Variants in CNTNAP5 observed in about 807,000 individuals in gnomAD.
CNTNAP5 encodes the protein contactin associated protein family member 5.
A neutral mutation model predicts 150.2 loss-of-function variants in CNTNAP5; 72 were observed. The ratio of observed to expected loss-of-function variants is 0.48; its 90% CI spans 0.40 to 0.58. The LOEUF (loss-of-function observed/expected upper bound fraction) is 0.58, where lower values mean the gene tolerates loss of function less well. Ranked by LOEUF, CNTNAP5 falls within the 20% of genes least tolerant of loss-of-function variation. The probability of loss-of-function intolerance (pLI) is 0.00; values close to 1 mark genes in which losing one functional copy is unlikely to be tolerated. For missense variants in CNTNAP5, 1,636 were observed against 1,626.2 expected (o/e 1.01, Z -0.10); for synonymous variants, 672 against 619.8 (o/e 1.08, Z -1.25).
intron 17 of CNTNAP5, among the ~76,000 whole-genome samples, chr2:124,776,406 C>A (rs1356375774): frequency 6.6e-6 from 1 of 152,054 alleles, no homozygotes; most frequent in African/African-American, 2.4e-5. Context: ...TGGAGAGATC[C>A]CCCAAAATTG....
At chr2:124,712,102 A>T (rs1470010389) in intron 13 of CNTNAP5, among the ~76,000 whole-genome samples, 1 of 152,130 alleles carries the variant, frequency 6.6e-6, no homozygotes, top group Non-Finnish European at 1.5e-5. Flanking sequence ...GTCTAAAACA[A>T]TCACTGCAAG....
chr2:124,514,048 C>T (rs1443959875), intron 8 of CNTNAP5, among the ~76,000 whole-genome samples: 1 of 152,112 alleles, frequency 6.6e-6, no homozygotes. Context: ...ATCCCATTAG[C>T]AAGGGCAAAA....
In CNTNAP5 at chr2:124,581,432, C is replaced by G. The variant is rs146568809; in HGVS notation, c.1756+18109C>G. ...GAATAAAAGTGAGTGCATAGATTCC[C>G]TTATGTGATTCTTCTACTAAGAAAT... On this transcript the variant is annotated intron_variant, in intron 11 of 23. Coordinates refer to ENST00000682447, the MANE Select transcript of CNTNAP5 (RefSeq NM_001367498.1). Among the ~76,000 whole-genome samples the G allele has an allele frequency of 1.1e-3, 171 of 152,240 alleles. 4 individuals are homozygous for G. Among genetic ancestry groups the G allele is most frequent in the Admixed American group, 0.01 (153 of 15,292 alleles).
At chr2:124,149,687 G>A (rs530058363) in intron 1 of CNTNAP5, among the ~76,000 whole-genome samples, 3 of 152,286 alleles carry the variant, frequency 2.0e-5, no homozygotes, top group East Asian at 1.9e-4. Flanking sequence ...GCGCCAATCC[G>A]AGTGAGAATA....
intron 7 of CNTNAP5, among the ~76,000 whole-genome samples, chr2:124,475,915 T>C (rs1463833305): frequency 6.6e-6 from 1 of 152,118 alleles, no homozygotes. Context: ...CTTAAGTGCC[T>C]GTTTATTTTG....
At chr2:124,389,559 GGA>G (rs541818682) in intron 3 of CNTNAP5, among the ~76,000 whole-genome samples, 112 of 152,264 alleles carry the variant, frequency 7.4e-4, no homozygotes, top group African/African-American at 2.5e-3. Context: ...TTCACATAGT[GGA>G]GATTCTGGTC....
chr2:124,498,592 A>G (rs946310034), intron 7 of CNTNAP5, among the ~76,000 whole-genome samples: 11 of 152,272 alleles, frequency 7.2e-5, no homozygotes, highest in African/African-American at 2.6e-4. Flanking sequence ...GTGAGCTACC[A>G]CGCTTGGCCT....
chr2:124,383,026 C>T (rs747417988), intron 3 of CNTNAP5, among the ~76,000 whole-genome samples: 23 of 152,120 alleles, frequency 1.5e-4, no homozygotes, highest in Non-Finnish European at 2.2e-4. Context: ...TGCGAAGTTG[C>T]TCCCTTTGCT....
At chr2:124,519,703 T>C (rs1359664558) in intron 8 of CNTNAP5, among the ~76,000 whole-genome samples, 1 of 152,250 alleles carries the variant, frequency 6.6e-6, no homozygotes, top group Non-Finnish European at 1.5e-5. Flanking sequence ...ACTGGTAGTG[T>C]GATATATTAT....
intron 1 of CNTNAP5, among the ~76,000 whole-genome samples, chr2:124,114,183 AATCAGTAG>A (rs1409536232): frequency 2.0e-5 from 3 of 152,052 alleles, no homozygotes; most frequent in Non-Finnish European, 4.4e-5. Flanking sequence ...CATTGCATTG[AATCAGTAG>A]ATCAGGATTA....
At chr2:124,850,408 T>A (rs752615824) in intron 19 of CNTNAP5, among the ~76,000 whole-genome samples, 9 of 151,986 alleles carry the variant, frequency 5.9e-5, no homozygotes, top group African/African-American at 1.9e-4. Context: ...AAGAGGGCCA[T>A]GTGACATGAG....
chr2:124,407,924 G>A (rs925888317), intron 3 of CNTNAP5, among the ~76,000 whole-genome samples: 2 of 152,158 alleles, frequency 1.3e-5, no homozygotes, highest in African/African-American at 4.8e-5. Context: ...AGCTCCCAGC[G>A]TGAGCGACGC....
intron 19 of CNTNAP5, among the ~76,000 whole-genome samples, chr2:124,861,045 A>C (rs1164422193): frequency 6.6e-6 from 1 of 151,744 alleles, no homozygotes; most frequent in African/African-American, 2.4e-5. Context: ...TAAAGAGAAA[A>C]AGCATTCTAG....
At chr2:124,907,172 T>C (rs538934544) in intron 22 of CNTNAP5, among the ~76,000 whole-genome samples, 53 of 152,242 alleles carry the variant, frequency 3.5e-4, no homozygotes, top group African/African-American at 1.2e-3. Flanking sequence ...AATCTGGTCA[T>C]GGCAATGCTT....
At chr2:124,627,371 G>T (rs1055039107) in intron 12 of CNTNAP5, among the ~76,000 whole-genome samples, 1 of 152,188 alleles carries the variant, frequency 6.6e-6, no homozygotes, top group Non-Finnish European at 1.5e-5. Context: ...AGCTTCCAGA[G>T]GAAGGAGCAG....
chr2:124,286,835 C>T (rs1036389611), intron 3 of CNTNAP5, among the ~76,000 whole-genome samples: 7 of 152,146 alleles, frequency 4.6e-5, no homozygotes, highest in Non-Finnish European at 1.0e-4. Flanking sequence ...TCCCGTTAAT[C>T]ATTGGAAAGT....
At chr2:124,131,130 C>T (rs1287678746) in intron 1 of CNTNAP5, among the ~76,000 whole-genome samples, 1 of 152,086 alleles carries the variant, frequency 6.6e-6, no homozygotes, top group East Asian at 1.9e-4. Context: ...TCACCTAAGA[C>T]TTGGGTTATT....
intron 13 of CNTNAP5, among the ~76,000 whole-genome samples, chr2:124,687,880 T>C (rs1679224115): frequency 6.6e-6 from 1 of 152,114 alleles, no homozygotes; most frequent in South Asian, 2.1e-4. Flanking sequence ...TTTGTTATAC[T>C]GAGGTAGACA....
At chr2:124,750,526 T>G (rs1486127982) in intron 14 of CNTNAP5, among the ~76,000 whole-genome samples, 1 of 152,224 alleles carries the variant, frequency 6.6e-6, no homozygotes, top group African/African-American at 2.4e-5. Flanking sequence ...ATTTACTGAT[T>G]TATCACTTAC....
Sources: gnomAD v4.1 joint callset for allele counts (sites outside exome capture counted in the v4.1 genomes callset) on GRCh38, gnomAD v4.1.1 for gene constraint, MANE v1.5 for transcripts, NCBI Gene and HGNC (gene_info 2026-07-23, HGNC 2026-07-21) for gene names.